The following SGCZ variants were observed in gnomAD, a reference collection of about 807,000 sequenced individuals.
SGCZ encodes the protein sarcoglycan zeta.
Under a neutral mutation model 41.3 loss-of-function variants are expected in SGCZ, and 40 were observed. That is an observed-to-expected ratio of 0.97 (90% CI 0.75 to 1.26). The LOEUF (loss-of-function observed/expected upper bound fraction) is 1.26, where lower values mean the gene tolerates loss of function less well. Ranked by LOEUF, SGCZ falls within the 50% of genes most tolerant of loss-of-function variation. SGCZ has a pLI of 0.00. For missense variants in SGCZ, 552 were observed against 369.8 expected, an observed-to-expected ratio of 1.49 and a Z score of -4.04; for synonymous variants, 206 against 137.5, an observed-to-expected ratio of 1.50 and a Z score of -3.49.
intron 1 of SGCZ, among the ~76,000 whole-genome samples, chr8:14,660,042 G>A (rs1049615955): frequency 6.6e-6 from 1 of 152,162 alleles, no homozygotes; most frequent in Admixed American, 6.6e-5. Context: ...GTTTGAAACA[G>A]CTTTTTCTTG....
chr8:15,029,915 A>G (rs1225203882), intron 1 of SGCZ, among the ~76,000 whole-genome samples: 2 of 151,936 alleles, frequency 1.3e-5, no homozygotes, highest in Non-Finnish European at 2.9e-5. Context: ...CAAGCAAGTG[A>G]TCTGAAATGG....
At chr8:14,415,902 T>A (rs1563314810) in intron 2 of SGCZ, among the ~76,000 whole-genome samples, 1 of 151,940 alleles carries the variant, frequency 6.6e-6, no homozygotes, top group Non-Finnish European at 1.5e-5. Context: ...AACTTCATCT[T>A]TTTCTGACCT....
intron 1 of SGCZ, among the ~76,000 whole-genome samples, chr8:14,597,714 T>A (rs1249758900): frequency 1.4e-4 from 22 of 152,264 alleles, no homozygotes; most frequent in Non-Finnish European, 1.9e-4. Context: ...TGACTTCAGG[T>A]GATCCACCTG....
chr8:15,074,090 T>C (rs1042589620), intron 1 of SGCZ, among the ~76,000 whole-genome samples: 14 of 152,298 alleles, frequency 9.2e-5, no homozygotes, highest in African/African-American at 3.1e-4. Context: ...AGGAGCATTG[T>C]GGCCTAAGGA....
chr8:14,820,080 T>A (rs1296264688), intron 1 of SGCZ, among the ~76,000 whole-genome samples: 1 of 151,470 alleles, frequency 6.6e-6, no homozygotes, highest in Admixed American at 6.6e-5. Context: ...ATAGAGTGGC[T>A]AAATGGAGAA....
intron 2 of SGCZ, among the ~76,000 whole-genome samples, chr8:14,414,705 G>A (rs1227285254): frequency 6.6e-6 from 1 of 151,936 alleles, no homozygotes. Flanking sequence ...GGCCAATCAT[G>A]ATTCAAGCAT....
chr8:14,330,010 T>C lies in SGCZ; in HGVS notation c.235-5806A>G, dbSNP rs557462190. 2.6e-5 allele frequency among the ~76,000 whole-genome samples: 4 copies of C among 152,290 alleles called. No homozygotes were observed. The East Asian group carries it at 7.7e-4, about 29-fold the overall frequency. On this transcript the variant is annotated intron_variant, in intron 2 of 7. Coordinates refer to ENST00000382080, the MANE Select transcript of SGCZ (RefSeq NM_139167.4). The stretch of plus-strand genomic sequence containing the variant: ...TGAGATAATCTTCACTGCCATTTCC[T>C]TTTAATGCTCTTACCGTATTCCAAA...
At chr8:14,736,307 A>G (rs1247766999) in intron 1 of SGCZ, among the ~76,000 whole-genome samples, 1 of 152,152 alleles carries the variant, frequency 6.6e-6, no homozygotes, top group Non-Finnish European at 1.5e-5. Context: ...TAAGCAACAT[A>G]AATTCCCTTT....
intron 1 of SGCZ, among the ~76,000 whole-genome samples, chr8:14,787,623 G>T (rs896446373): frequency 6.6e-6 from 1 of 152,056 alleles, no homozygotes; most frequent in African/African-American, 2.4e-5. Context: ...AAAGTGGGCG[G>T]ATCACCTGAG....
intron 4 of SGCZ, among the ~76,000 whole-genome samples, chr8:14,170,241 C>T (rs888200141): frequency 6.6e-6 from 1 of 152,038 alleles, no homozygotes; most frequent in African/African-American, 2.4e-5. Flanking sequence ...AAAAAATATG[C>T]TCTAGCATTT....
At chr8:14,904,280 G>A (rs889229323) in intron 1 of SGCZ, among the ~76,000 whole-genome samples, 8 of 151,970 alleles carry the variant, frequency 5.3e-5, no homozygotes, top group African/African-American at 1.9e-4. Flanking sequence ...GGTCGTTCCT[G>A]AAAACAGCAT....
intron 3 of SGCZ, among the ~76,000 whole-genome samples, chr8:14,314,861 G>C (rs1251902334): frequency 6.6e-6 from 1 of 152,128 alleles, no homozygotes; most frequent in Non-Finnish European, 1.5e-5. Context: ...TCACCACTGG[G>C]TGTCTCTTAA....
intron 1 of SGCZ, among the ~76,000 whole-genome samples, chr8:15,234,887 T>A (rs922511703): frequency 6.6e-6 from 1 of 151,798 alleles, no homozygotes; most frequent in Non-Finnish European, 1.5e-5. Flanking sequence ...ACACTGATCA[T>A]CTAAAACTAA....
chr8:14,393,767 G>T (rs1044157831), intron 2 of SGCZ, among the ~76,000 whole-genome samples: 1 of 152,090 alleles, frequency 6.6e-6, no homozygotes, highest in Non-Finnish European at 1.5e-5. Context: ...AGACAACCCA[G>T]CCGCTTCAAT....
intron 1 of SGCZ, among the ~76,000 whole-genome samples, chr8:14,772,382 T>C (rs554021828): frequency 5.3e-5 from 8 of 152,184 alleles, no homozygotes; most frequent in Admixed American, 1.3e-4. Context: ...AATATTTTCA[T>C]CCATGTTCCC....
chr8:14,131,383 C>G (rs988557180), intron 5 of SGCZ, among the ~76,000 whole-genome samples: 29 of 152,270 alleles, frequency 1.9e-4, no homozygotes, highest in African/African-American at 7.0e-4. Context: ...ACTGCAAACA[C>G]CTACAGTTCT....
At chr8:14,182,954 G>C (rs1237353268) in intron 4 of SGCZ, among the ~76,000 whole-genome samples, 1 of 146,224 alleles carries the variant, frequency 6.8e-6, no homozygotes, top group Non-Finnish European at 1.5e-5. Flanking sequence ...AGGTTGCAGT[G>C]AGCCGAGATC....
At chr8:14,759,344 AC>A (rs78095882) in intron 1 of SGCZ, among the ~76,000 whole-genome samples, 20 of 86,588 alleles carry the variant, frequency 2.3e-4, no homozygotes, top group African/African-American at 1.1e-3. Context: ...TTTAGCCTCA[AC>A]AAAAAAAAAA....
chr8:14,750,245 G>A (rs1799457068), intron 1 of SGCZ, among the ~76,000 whole-genome samples: 1 of 151,970 alleles, frequency 6.6e-6, no homozygotes, highest in Non-Finnish European at 1.5e-5. Flanking sequence ...CCTGTCCTGA[G>A]ACTTAGGACC....
Sources: gnomAD v4.1 joint callset for allele counts (sites outside exome capture counted in the v4.1 genomes callset) on GRCh38, gnomAD v4.1.1 for gene constraint, MANE v1.5 for transcripts, NCBI Gene and HGNC (gene_info 2026-07-23, HGNC 2026-07-21) for gene names.